The following ATP8B4 variants were observed in gnomAD, a reference collection of about 807,000 sequenced individuals.
ATP8B4 encodes ATPase phospholipid transporting 8B4 (putative), also known as probable phospholipid-transporting ATPase IM.
Under a neutral mutation model 145.6 loss-of-function variants are expected in ATP8B4, and 133 were observed. The ratio of observed to expected loss-of-function variants is 0.91; its 90% CI spans 0.79 to 1.05. ATP8B4 has a LOEUF of 1.05. Among genes scored for constraint, ATP8B4 ranks in the 50% least tolerant of loss-of-function variants. The pLI is 0.00. For synonymous variants in ATP8B4, 507 were observed against 492.9 expected (o/e 1.03, Z -0.38); for missense variants, 1,458 against 1,425.2 (o/e 1.02, Z -0.37).
At chr15:49,950,853 C>T (rs555956153) in intron 14 of ATP8B4, among the ~76,000 whole-genome samples, 38 of 152,146 alleles carry the variant, frequency 2.5e-4, no homozygotes, top group Non-Finnish European at 4.4e-4. Context: ...ATAAATTTCC[C>T]TCTTAATGCT....
At chr15:50,113,450 G>C (rs1421617571) in intron 1 of ATP8B4, 3 of 152,194 alleles carry the variant, frequency 2.0e-5, no homozygotes, top group Non-Finnish European at 4.4e-5. Context: ...CACAGTGCTT[G>C]TAGATTGTAG....
At chr15:49,877,536 A>C (rs1285156774) in intron 24 of ATP8B4, among the ~76,000 whole-genome samples, 1 of 152,108 alleles carries the variant, frequency 6.6e-6, no homozygotes, top group Admixed American at 6.6e-5. Flanking sequence ...CTCTTTAGAA[A>C]GTCCTGTTTT....
rs867526261 is a variant in ATP8B4 at position 50,151,470 on chromosome 15, T to C, written c.-43+30791A>G. Among the ~76,000 whole-genome samples the C allele has an allele frequency of 5.3e-5, 8 of 152,328 alleles. No individual in the cohort carries two copies. The South Asian group carries it at 1.7e-3, about 32-fold the overall frequency. The stretch of plus-strand genomic sequence containing the variant: ...TTGAAGCCAGTCATTCTATGCACAC[T>C]GTCAAATATGATATTTTGGTCAAAG... On this transcript the variant is annotated intron_variant, in intron 1 of 3. Coordinates refer to the ATP8B4 transcript ENST00000558829.
At chr15:50,038,548 T>A (rs893436681) in intron 6 of ATP8B4, among the ~76,000 whole-genome samples, 2 of 152,072 alleles carry the variant, frequency 1.3e-5, no homozygotes, top group African/African-American at 2.4e-5. Context: ...CCATAAAAGG[T>A]ACACCAAAGG....
chr15:50,006,998 T>C (rs936870567), intron 7 of ATP8B4, among the ~76,000 whole-genome samples: 1 of 152,202 alleles, frequency 6.6e-6, no homozygotes, highest in Non-Finnish European at 1.5e-5. Context: ...TGAATTATAC[T>C]CTGCATTTTT....
chr15:50,162,719 G>C (rs968635871), intron 1 of ATP8B4, among the ~76,000 whole-genome samples: 5 of 151,830 alleles, frequency 3.3e-5, no homozygotes, highest in African/African-American at 1.2e-4. Context: ...TGTTAGCCAG[G>C]ATGGTCTCGA....
At chr15:50,149,077 A>AAG in intron 1 of ATP8B4, among the ~76,000 whole-genome samples, 2 of 152,212 alleles carry the variant, frequency 1.3e-5, no homozygotes, top group Non-Finnish European at 2.9e-5. Flanking sequence ...ATGAATCAAT[A>AAG]CTACAGAGAT....
intron 23 of ATP8B4, among the ~76,000 whole-genome samples, chr15:49,889,189 G>C (rs1343586962): frequency 1.3e-5 from 2 of 152,038 alleles, no homozygotes; most frequent in African/African-American, 4.8e-5. Context: ...AGGTAGAGTA[G>C]GCAGAGCGCT....
At chr15:49,867,102 G>A (rs540427422) in intron 25 of ATP8B4, among the ~76,000 whole-genome samples, 25 of 152,244 alleles carry the variant, frequency 1.6e-4, no homozygotes, top group East Asian at 7.7e-4. Context: ...AACTTGTTGC[G>A]GCAGCTCAGC....
intron 3 of ATP8B4, among the ~76,000 whole-genome samples, chr15:50,057,268 T>C (rs1238565188): frequency 1.3e-5 from 2 of 152,290 alleles, no homozygotes; most frequent in East Asian, 3.9e-4. Flanking sequence ...CACTATATCA[T>C]CTCAGGCAGT....
At chr15:49,914,829 G>C (rs2039574818) in intron 20 of ATP8B4, among the ~76,000 whole-genome samples, 1 of 152,006 alleles carries the variant, frequency 6.6e-6, no homozygotes, top group African/African-American at 2.4e-5. Flanking sequence ...AACAGATGCT[G>C]GTAAAGGGAG....
chr15:50,029,753 G>T (rs1177409266), intron 6 of ATP8B4, among the ~76,000 whole-genome samples: 1 of 152,168 alleles, frequency 6.6e-6, no homozygotes, highest in African/African-American at 2.4e-5. Context: ...GAAGGAGAGG[G>T]AATCATAAAA....
intron 20 of ATP8B4, among the ~76,000 whole-genome samples, chr15:49,915,180 G>A (rs796824801): frequency 9.2e-5 from 14 of 152,144 alleles, no homozygotes; most frequent in African/African-American, 3.1e-4. Context: ...ATGGAACCAC[G>A]GGTTCCATGT....
At chr15:50,049,704 T>C (rs976948881) in intron 3 of ATP8B4, among the ~76,000 whole-genome samples, 2 of 152,236 alleles carry the variant, frequency 1.3e-5, no homozygotes, top group African/African-American at 4.8e-5. Flanking sequence ...AGTTCTGTTT[T>C]AGGTTCTTTG....
At chr15:49,969,487 T>C (rs1195117770) in intron 13 of ATP8B4, among the ~76,000 whole-genome samples, 1 of 152,164 alleles carries the variant, frequency 6.6e-6, no homozygotes, top group East Asian at 1.9e-4. Flanking sequence ...GAGATAATAC[T>C]ATAAACACCT....
At chr15:50,107,127 G>T in intron 1 of ATP8B4, 119 bp from the exon 2 acceptor site, 1 of 543,716 alleles carries the variant, frequency 1.8e-6, no homozygotes, top group South Asian at 3.6e-5. Flanking sequence ...ACACAGGAAA[G>T]AACAACAGAT....
At chr15:50,107,895 G>A (rs924442764) in intron 1 of ATP8B4, among the ~76,000 whole-genome samples, 13 of 152,034 alleles carry the variant, frequency 8.6e-5, no homozygotes, top group Non-Finnish European at 1.8e-4. Flanking sequence ...TCATCAACAC[G>A]CACTGCTCCA....
chr15:49,897,987 T>C lies in ATP8B4; in HGVS notation c.2473+81A>G, dbSNP rs2037597817. On this transcript the variant is annotated intron_variant, in intron 22 of 27. Coordinates refer to ENST00000284509, the MANE Select transcript of ATP8B4 (RefSeq NM_024837.4). Reference sequence around the variant, plus strand: ...CTGGCAAAATTAAATTTTAATGCAATCTAGTGATTATATATTGCCAAATGC... The same window carrying C: ...CTGGCAAAATTAAATTTTAATGCAACCTAGTGATTATATATTGCCAAATGC... 7 of 1,464,274 alleles carry C rather than the reference T, an allele frequency of 4.8e-6. No individual in the cohort carries two copies. The African/African-American group carries it at 9.8e-5, about 20-fold the overall frequency. 90.7% of individuals were successfully genotyped at this position (1,464,274 alleles called of 1,614,324 possible).
At chr15:49,987,593 A>G (rs2046726339) in intron 9 of ATP8B4, 44 bp from the exon 10 acceptor site, 1 of 1,577,738 alleles carries the variant, frequency 6.3e-7, no homozygotes, top group Admixed American at 1.7e-5. Flanking sequence ...TGACTCACCC[A>G]AAATTCTCTT....
Sources: gnomAD v4.1 joint callset for allele counts (sites outside exome capture counted in the v4.1 genomes callset) on GRCh38, gnomAD v4.1.1 for gene constraint, MANE v1.5 for transcripts, NCBI Gene and HGNC (gene_info 2026-07-23, HGNC 2026-07-21) for gene names.